RAB11FIP2: variants seen among roughly 807,000 people sequenced by gnomAD.
RAB11FIP2 encodes the protein RAB11 family interacting protein 2.
Under a neutral mutation model 40.9 loss-of-function variants are expected in RAB11FIP2, and 16 were observed. That is an observed-to-expected ratio of 0.39 (90% CI 0.26 to 0.59). The LOEUF (loss-of-function observed/expected upper bound fraction) is 0.59. RAB11FIP2 is among the 20% of genes least tolerant of loss of function. RAB11FIP2 has a pLI of 0.53. For synonymous variants in RAB11FIP2, 228 were observed against 213.7 expected, an observed-to-expected ratio of 1.07 and a Z score of -0.58; for missense variants, 532 against 606.2, an observed-to-expected ratio of 0.88 and a Z score of 1.28.
intron 3 of RAB11FIP2, among the ~76,000 whole-genome samples, chr10:118,026,576 GT>G (rs1296240681): frequency 6.6e-6 from 1 of 152,192 alleles, no homozygotes; most frequent in Non-Finnish European, 1.5e-5. Flanking sequence ...GTTCTGAGGA[GT>G]TTTCAATAAG....
At chr10:118,031,248 GA>G (rs1001243565) in intron 3 of RAB11FIP2, among the ~76,000 whole-genome samples, 4 of 151,376 alleles carry the variant, frequency 2.6e-5, no homozygotes, top group Admixed American at 2.6e-4. Context: ...ACTCATTCAG[GA>G]AAAAAAAGTC....
intron 3 of RAB11FIP2, among the ~76,000 whole-genome samples, chr10:118,025,971 A>G (rs977667672): frequency 1.3e-5 from 2 of 152,168 alleles, no homozygotes; most frequent in African/African-American, 2.4e-5. Flanking sequence ...TTCTATATCT[A>G]CCTGCTTATA....
intron 4 of RAB11FIP2, among the ~76,000 whole-genome samples, chr10:118,012,336 C>T (rs764213660): frequency 2.6e-5 from 4 of 151,750 alleles, no homozygotes; most frequent in Non-Finnish European, 5.9e-5. Flanking sequence ...AATTTCACCT[C>T]AAATTTTAGC....
rs1033748906 is a variant in RAB11FIP2 at position 118,018,627 on chromosome 10, C to T, written c.1266-3517G>A. On this transcript the variant is annotated intron_variant, in intron 3 of 4. Transcript: ENST00000355624. Reference sequence around the variant, plus strand: ...TTTCCAAATATTAAAGAATTTTCCCCAGTAAACTGTAATTCTAAAATTTGA... The same window carrying T: ...TTTCCAAATATTAAAGAATTTTCCCTAGTAAACTGTAATTCTAAAATTTGA... Among the ~76,000 whole-genome samples, 9 of 152,238 alleles carry T rather than the reference C, an allele frequency of 5.9e-5. No individual in the cohort carries two copies. The South Asian group carries it at 1.9e-3, about 32-fold the overall frequency.
At chr10:118,036,908 A>G (rs1412319605) in intron 3 of RAB11FIP2, among the ~76,000 whole-genome samples, 1 of 152,188 alleles carries the variant, frequency 6.6e-6, no homozygotes, top group Non-Finnish European at 1.5e-5. Context: ...AACAGCCCAC[A>G]TAAACAACTC....
At chr10:118,019,935 AAG>A (rs1846264014) in intron 3 of RAB11FIP2, among the ~76,000 whole-genome samples, 1 of 152,202 alleles carries the variant, frequency 6.6e-6, no homozygotes, top group Admixed American at 6.5e-5. Context: ...AAAGGAGGAA[AAG>A]AGAAACACCC....
In RAB11FIP2 at chr10:118,008,556, TG is replaced by T. The variant is rs1846121402; in HGVS notation, c.*441del. 1 of 174,390 alleles carries T rather than the reference TG, an allele frequency of 5.7e-6. No individual in the cohort carries two copies. The highest frequency in any genetic ancestry group is 5.4e-5 in the Admixed American group (1 of 18,624). 10.8% of individuals were successfully genotyped at this position (174,390 alleles called of 1,614,324 possible). On this transcript the variant is annotated 3_prime_UTR_variant, in exon 5 of 5. Transcript: ENST00000355624. ...ACATATGTGTATATAAAATATAAACTGTTTTTTTAGTAGTGTTTATAACGAG... is the reference window on the plus strand; with the variant it reads ...ACATATGTGTATATAAAATATAAACTTTTTTTTAGTAGTGTTTATAACGAG...
rs572470809 is a variant in RAB11FIP2, at chr10:118,037,524, G to A, written c.1265+1448C>T. 1.6e-4 allele frequency among the ~76,000 whole-genome samples: 24 copies of A among 152,082 alleles called. No individual in the cohort carries two copies. The South Asian group carries it at 5.0e-3, about 31-fold the overall frequency. On this transcript the variant is annotated intron_variant, in intron 3 of 4. Coordinates refer to ENST00000355624, the MANE Select transcript of RAB11FIP2 (RefSeq NM_014904.3). ...GTTTTTTAGTAAAATATAACATGAC[G>A]ATACATCAAACATAATTGTAGTCAC...
At chr10:118,022,652 T>C (rs1846294650) in intron 3 of RAB11FIP2, among the ~76,000 whole-genome samples, 1 of 152,210 alleles carries the variant, frequency 6.6e-6, no homozygotes, top group Non-Finnish European at 1.5e-5. Context: ...GCTTTTCAAA[T>C]ATATGGTATA....
intron 3 of RAB11FIP2, among the ~76,000 whole-genome samples, chr10:118,033,471 C>G (rs1846442597): frequency 6.6e-6 from 1 of 152,030 alleles, no homozygotes; most frequent in African/African-American, 2.4e-5. Context: ...ATAGTAATTA[C>G]TTCTTCTATA....
At chr10:118,045,141 T>C (rs1846610866) in intron 1 of RAB11FIP2, 1 of 152,278 alleles carries the variant, frequency 6.6e-6, no homozygotes, top group Non-Finnish European at 1.5e-5. Flanking sequence ...TAATATGGTC[T>C]AAACACAATA....
At position 118,032,676 on chromosome 10, in the gene RAB11FIP2, A is replaced by C. The variant is rs79398488; in HGVS notation, c.1265+6296T>G. On this transcript the variant is annotated intron_variant, in intron 3 of 4. Transcript: ENST00000355624. ...GGTTTTGCTTTCCACAGTTTCAGTTAACCACCATAGTCCAAAAATATTAAA... is the reference window on the plus strand; with the variant it reads ...GGTTTTGCTTTCCACAGTTTCAGTTCACCACCATAGTCCAAAAATATTAAA... Among the ~76,000 whole-genome samples, 145 of 152,296 alleles carry C rather than the reference A, an allele frequency of 9.5e-4. No individual in the cohort carries two copies. In the East Asian group the frequency reaches 0.019, roughly 20 times the overall value.
chr10:118,045,654 TA>T, intron 1 of RAB11FIP2, 156 bp downstream of exon 1: 1 of 589,900 alleles, frequency 1.7e-6, no homozygotes, highest in Non-Finnish European at 2.9e-6. Flanking sequence ...TCACGAGTGC[TA>T]CTTTTACTTC....
At chr10:118,017,226 A>G (rs1846232173) in intron 3 of RAB11FIP2, among the ~76,000 whole-genome samples, 1 of 152,186 alleles carries the variant, frequency 6.6e-6, no homozygotes, top group Admixed American at 6.5e-5. Flanking sequence ...CCCTGTATAC[A>G]GATTTACTTA....
intron 3 of RAB11FIP2, among the ~76,000 whole-genome samples, chr10:118,022,188 C>G (rs1390692379): frequency 1.3e-5 from 2 of 152,196 alleles, no homozygotes; most frequent in Non-Finnish European, 2.9e-5. Context: ...GCCATGTTCT[C>G]ACCATTCAGC....
intron 3 of RAB11FIP2, among the ~76,000 whole-genome samples, chr10:118,019,613 G>A (rs1846259533): frequency 6.6e-6 from 1 of 152,086 alleles, no homozygotes; most frequent in Non-Finnish European, 1.5e-5. Flanking sequence ...CACGAGGTCA[G>A]GAGATCGAGA....
chr10:118,030,433 C>T (rs1301821765), intron 3 of RAB11FIP2, among the ~76,000 whole-genome samples: 1 of 152,074 alleles, frequency 6.6e-6, no homozygotes. Flanking sequence ...TGCCTAAGAG[C>T]TCGTTAATTA....
chr10:118,031,079 G>A (rs1267463196), intron 3 of RAB11FIP2, among the ~76,000 whole-genome samples: 1 of 152,080 alleles, frequency 6.6e-6, no homozygotes, highest in Non-Finnish European at 1.5e-5. Context: ...TCTCATAAAT[G>A]AAGCCACAAA....
intron 3 of RAB11FIP2, among the ~76,000 whole-genome samples, chr10:118,034,542 A>C (rs568404479): frequency 2.0e-5 from 3 of 152,148 alleles, no homozygotes; most frequent in African/African-American, 4.8e-5. Context: ...ACATTCAGGC[A>C]TATTTGTTTT....
Sources: gnomAD v4.1 joint callset for allele counts (sites outside exome capture counted in the v4.1 genomes callset) on GRCh38, gnomAD v4.1.1 for gene constraint, MANE v1.5 for transcripts, NCBI Gene and HGNC (gene_info 2026-07-23, HGNC 2026-07-21) for gene names.